NRG1: variants seen among roughly 807,000 people sequenced by gnomAD.
The protein encoded by NRG1 is neuregulin 1.
NRG1 carries 18 observed loss-of-function variants against 63.8 expected under a neutral mutation model. The ratio of observed to expected loss-of-function variants is 0.28; its 90% CI spans 0.19 to 0.42. The LOEUF (loss-of-function observed/expected upper bound fraction) is 0.42. Ranked by LOEUF, NRG1 falls within the 10% of genes least tolerant of loss-of-function variation. NRG1 has a pLI of 1.00. For missense variants in NRG1, 762 were observed against 814.7 expected (o/e 0.94, Z 0.79); for synonymous variants, 302 against 301.3 (o/e 1.00, Z -0.02).
intron 5 of NRG1, among the ~76,000 whole-genome samples, chr8:32,658,866 G>A (rs1802141746): frequency 1.3e-5 from 2 of 152,210 alleles, no homozygotes; most frequent in African/African-American, 4.8e-5. Flanking sequence ...ATCTCTCTGA[G>A]TGAGATTCTC....
intron 1 of NRG1, among the ~76,000 whole-genome samples, chr8:31,835,208 C>G (rs1397505465): frequency 6.6e-6 from 1 of 152,130 alleles, no homozygotes; most frequent in Admixed American, 6.5e-5. Flanking sequence ...CAAAACAGGA[C>G]TCGTTGCATA....
At chr8:32,173,602 C>A (rs7460069) in intron 1 of NRG1, among the ~76,000 whole-genome samples, 68,240 of 151,762 alleles carry the variant, frequency 0.45, 17,044 homozygotes, top group Admixed American at 0.57. Flanking sequence ...ACCCATCTCA[C>A]GTGCAGAGAC....
chr8:32,145,035 G>T (rs1255130284), intron 1 of NRG1, among the ~76,000 whole-genome samples: 1 of 152,130 alleles, frequency 6.6e-6, no homozygotes, highest in Non-Finnish European at 1.5e-5. Flanking sequence ...TCTTATATTT[G>T]ACTGAGGTTT....
chr8:32,313,185 T>C (rs1010612054), intron 1 of NRG1, among the ~76,000 whole-genome samples: 8 of 152,216 alleles, frequency 5.3e-5, no homozygotes, highest in African/African-American at 1.7e-4. Flanking sequence ...GGAAATTCTG[T>C]ATTTCAGCAT....
intron 1 of NRG1, among the ~76,000 whole-genome samples, chr8:31,671,108 C>A (rs563601762): frequency 1.3e-5 from 2 of 151,830 alleles, no homozygotes; most frequent in South Asian, 4.2e-4. Flanking sequence ...GCCTCCAGCT[C>A]CATCTGTGTT....
intron 5 of NRG1, among the ~76,000 whole-genome samples, chr8:32,650,868 T>C (rs1471264141): frequency 2.0e-5 from 3 of 150,586 alleles, no homozygotes; most frequent in Admixed American, 6.6e-5. Flanking sequence ...CCCGTTTCCA[T>C]TTTTTTTTCT....
intron 1 of NRG1, among the ~76,000 whole-genome samples, chr8:32,581,937 A>G (rs938567725): frequency 6.6e-5 from 10 of 152,198 alleles, no homozygotes; most frequent in African/African-American, 1.9e-4. Context: ...GAAATTGTGT[A>G]TGAAAGTGCT....
intron 1 of NRG1, among the ~76,000 whole-genome samples, chr8:31,744,300 A>G (rs1815628778): frequency 6.6e-6 from 1 of 152,014 alleles, no homozygotes; most frequent in African/African-American, 2.4e-5. Flanking sequence ...AAATGATTGA[A>G]CGTCTTTGCT....
At chr8:32,407,302 A>ATAT (rs1814183559) in intron 1 of NRG1, among the ~76,000 whole-genome samples, 2 of 11,028 alleles carry the variant, frequency 1.8e-4, no homozygotes, top group African/African-American at 5.7e-4. Context: ...TATTATATAT[A>ATAT]TATATATATA....
At chr8:32,248,316 CA>C in intron 1 of NRG1, among the ~76,000 whole-genome samples, 2 of 152,130 alleles carry the variant, frequency 1.3e-5, no homozygotes, top group African/African-American at 4.8e-5. Flanking sequence ...CTTTTTGTAA[CA>C]CACTAGTGGA....
chr8:32,269,425 C>T (rs1282183256), intron 1 of NRG1, among the ~76,000 whole-genome samples: 1 of 152,124 alleles, frequency 6.6e-6, no homozygotes, highest in Non-Finnish European at 1.5e-5. Flanking sequence ...TTACATCCTG[C>T]CAACGATTCT....
chr8:32,367,436 A>G (rs1420041451), intron 1 of NRG1, among the ~76,000 whole-genome samples: 2 of 151,566 alleles, frequency 1.3e-5, no homozygotes, highest in African/African-American at 4.8e-5. Flanking sequence ...CTGCTAGCCA[A>G]TTGTATGTAT....
intron 1 of NRG1, among the ~76,000 whole-genome samples, chr8:31,962,277 G>A (rs1805588928): frequency 6.6e-6 from 1 of 152,090 alleles, no homozygotes; most frequent in Non-Finnish European, 1.5e-5. Context: ...CTAGTAAAAT[G>A]GTGTGACTGA....
intron 1 of NRG1, among the ~76,000 whole-genome samples, chr8:32,005,768 A>G (rs1233641687): frequency 6.6e-6 from 1 of 152,018 alleles, no homozygotes; most frequent in Admixed American, 6.6e-5. Flanking sequence ...TAGTGGGAAA[A>G]TGACCTGAAC....
At chr8:31,754,739 A>G (rs902576392) in intron 1 of NRG1, among the ~76,000 whole-genome samples, 1 of 152,196 alleles carries the variant, frequency 6.6e-6, no homozygotes, top group Admixed American at 6.5e-5. Context: ...GGCCCCTGTA[A>G]CAAGTACTAT....
chr8:31,723,821 A>T (rs1368153372), intron 1 of NRG1, among the ~76,000 whole-genome samples: 1 of 152,182 alleles, frequency 6.6e-6, no homozygotes, highest in Non-Finnish European at 1.5e-5. Flanking sequence ...TTGAGTGAGC[A>T]TTCGAAGTAC....
At chr8:32,288,488 T>C (rs979849411) in intron 1 of NRG1, among the ~76,000 whole-genome samples, 2 of 152,264 alleles carry the variant, frequency 1.3e-5, no homozygotes, top group African/African-American at 2.4e-5. Flanking sequence ...TTTCATTTTT[T>C]GTTTATTCAA....
intron 1 of NRG1, among the ~76,000 whole-genome samples, chr8:31,641,283 C>T (rs746093760): frequency 1.1e-4 from 17 of 151,776 alleles, no homozygotes; most frequent in Non-Finnish European, 2.4e-4. Context: ...GCAGTCTGTA[C>T]CTTGTGAATA....
chr8:32,201,593 T>A (rs1039283131), intron 1 of NRG1, among the ~76,000 whole-genome samples: 1 of 152,206 alleles, frequency 6.6e-6, no homozygotes, highest in African/African-American at 2.4e-5. Flanking sequence ...CATGAAATGA[T>A]TCATTACATT....
Sources: gnomAD v4.1 joint callset for allele counts (sites outside exome capture counted in the v4.1 genomes callset) on GRCh38, gnomAD v4.1.1 for gene constraint, MANE v1.5 for transcripts, NCBI Gene and HGNC (gene_info 2026-07-23, HGNC 2026-07-21) for gene names.